The following CTNNA2 variants were observed in gnomAD, a reference collection of about 807,000 sequenced individuals.
CTNNA2 encodes catenin alpha 2.
A neutral mutation model predicts 101.0 loss-of-function variants in CTNNA2; 42 were observed. The observed-to-expected ratio is 0.42, with a 90% CI of 0.32 to 0.54. The LOEUF (loss-of-function observed/expected upper bound fraction) is 0.54, where lower values mean the gene tolerates loss of function less well. Among genes scored for constraint, CTNNA2 ranks in the 20% least tolerant of loss-of-function variants. The pLI is 0.14. For synonymous variants in CTNNA2, 450 were observed against 456.4 expected, an observed-to-expected ratio of 0.99 and a Z score of 0.18; for missense variants, 871 against 1,223.1, an observed-to-expected ratio of 0.71 and a Z score of 4.29.
chr2:79,413,480 T>C (rs1041898056), intron 4 of CTNNA2, among the ~76,000 whole-genome samples: 5 of 152,088 alleles, frequency 3.3e-5, no homozygotes, highest in African/African-American at 1.2e-4. Flanking sequence ...GACACTTAGG[T>C]TGATTTTGAA....
intron 15 of CTNNA2, among the ~76,000 whole-genome samples, chr2:80,597,305 TAACTC>T (rs1243280853): frequency 2.0e-5 from 3 of 152,080 alleles, no homozygotes; most frequent in Non-Finnish European, 4.4e-5. Flanking sequence ...ATACAAAAAT[TAACTC>T]AACGTGGACT....
At chr2:79,543,441 T>G (rs1351855382) in intron 1 of CTNNA2, among the ~76,000 whole-genome samples, 1 of 152,208 alleles carries the variant, frequency 6.6e-6, no homozygotes. Context: ...ATTCAAATAT[T>G]TCTTTAAAGA....
chr2:79,980,226 C>T (rs992075590), intron 7 of CTNNA2, among the ~76,000 whole-genome samples: 17 of 152,150 alleles, frequency 1.1e-4, no homozygotes, highest in Non-Finnish European at 2.5e-4. Context: ...ATTTGCACTA[C>T]ATTGGTCCTG....
chr2:79,411,155 A>G (rs1678405136), intron 4 of CTNNA2, among the ~76,000 whole-genome samples: 1 of 151,870 alleles, frequency 6.6e-6, no homozygotes, highest in Non-Finnish European at 1.5e-5. Context: ...TATCCCCTTT[A>G]TCATTTTTTA....
chr2:79,916,360 G>T (rs535696348), intron 7 of CTNNA2, among the ~76,000 whole-genome samples: 1 of 151,882 alleles, frequency 6.6e-6, no homozygotes, highest in South Asian at 2.1e-4. Flanking sequence ...TTTTCCTTGC[G>T]TTTTTCTTAC....
At chr2:80,163,110 T>C in intron 7 of CTNNA2, 1 of 1,579,116 alleles carries the variant, frequency 6.3e-7, no homozygotes, top group Non-Finnish European at 8.7e-7. Flanking sequence ...TGGTTTACCA[T>C]CCTTATCTTT....
intron 1 of CTNNA2, among the ~76,000 whole-genome samples, chr2:79,630,312 A>T (rs1339101167): frequency 6.6e-6 from 1 of 152,232 alleles, no homozygotes; most frequent in East Asian, 1.9e-4. Context: ...AATGGCACTG[A>T]CGTCTTTGTG....
intron 3 of CTNNA2, among the ~76,000 whole-genome samples, chr2:79,856,115 G>A (rs1451465730): frequency 6.6e-6 from 1 of 152,180 alleles, no homozygotes; most frequent in Non-Finnish European, 1.5e-5. Flanking sequence ...CTCCCATGCT[G>A]TTGTTATATA....
intron 15 of CTNNA2, among the ~76,000 whole-genome samples, chr2:80,602,658 ATATGT>A (rs1480260696): frequency 6.6e-6 from 1 of 152,112 alleles, no homozygotes; most frequent in Non-Finnish European, 1.5e-5. Context: ...GCTAATAAAA[ATATGT>A]TAGGGAATAG....
chr2:80,494,682 G>GTTAGCTCATATTAA (rs774216303), intron 9 of CTNNA2, among the ~76,000 whole-genome samples: 1 of 151,164 alleles, frequency 6.6e-6, no homozygotes, highest in African/African-American at 2.4e-5. Context: ...GCTAGACGAA[G>GTTAGCTCATATTAA]GGACAGTTTA....
rs753543582 is a variant in CTNNA2 at position 79,395,161 on chromosome 2, G to A, written c.-135+21148G>A. On this transcript the variant is annotated intron_variant, in intron 4 of 21. Transcript: ENST00000466387. The stretch of plus-strand genomic sequence containing the variant: ...ACGGAGTGGTAGCTAAGGTCACCAC[G>A]ATGCTATGTCCTAACTATTTTGTCT... 1.8e-4 allele frequency among the ~76,000 whole-genome samples: 28 copies of A among 152,206 alleles called. 1 individual carries two copies. The highest frequency in any genetic ancestry group is 3.9e-4 in the East Asian group (2 of 5,168).
At chr2:80,639,726 A>G (rs529761430) in intron 18 of CTNNA2, among the ~76,000 whole-genome samples, 37 of 152,320 alleles carry the variant, frequency 2.4e-4, no homozygotes, top group African/African-American at 8.4e-4. Flanking sequence ...AACTCATAAT[A>G]TGGTATTAGT....
At chr2:79,294,958 G>A (rs866348552) in intron 2 of CTNNA2, among the ~76,000 whole-genome samples, 1 of 151,862 alleles carries the variant, frequency 6.6e-6, no homozygotes, top group African/African-American at 2.4e-5. Context: ...TTGATGAACA[G>A]ATGCCTACAA....
chr2:79,726,193 T>G (rs1686827857), intron 2 of CTNNA2, among the ~76,000 whole-genome samples: 1 of 152,250 alleles, frequency 6.6e-6, no homozygotes, highest in Admixed American at 6.5e-5. Flanking sequence ...TGTTCACATC[T>G]ACACAGCTTT....
intron 7 of CTNNA2, among the ~76,000 whole-genome samples, chr2:80,129,941 A>T (rs1702324808): frequency 6.6e-6 from 1 of 152,170 alleles, no homozygotes; most frequent in African/African-American, 2.4e-5. Flanking sequence ...TGAGAGTCAG[A>T]ACTGAAATCT....
At chr2:79,554,011 G>C (rs1674284506) in intron 1 of CTNNA2, among the ~76,000 whole-genome samples, 1 of 152,124 alleles carries the variant, frequency 6.6e-6, no homozygotes, top group Non-Finnish European at 1.5e-5. Context: ...TGGGTCCCAA[G>C]GTTTTTGTTT....
intron 7 of CTNNA2, among the ~76,000 whole-genome samples, chr2:80,276,931 C>T (rs945105912): frequency 1.3e-5 from 2 of 152,096 alleles, no homozygotes; most frequent in Admixed American, 6.6e-5. Flanking sequence ...AGGTTGAAGA[C>T]AAAGTCCTTT....
intron 17 of CTNNA2, among the ~76,000 whole-genome samples, chr2:80,609,128 C>G (rs942040506): frequency 6.6e-6 from 1 of 151,666 alleles, no homozygotes; most frequent in Non-Finnish European, 1.5e-5. Context: ...CACCTTAGTT[C>G]TTTTCCCAGT....
chr2:80,499,932 C>CAA (rs35267780), intron 9 of CTNNA2, among the ~76,000 whole-genome samples: 8 of 80,340 alleles, frequency 1.0e-4, no homozygotes, highest in Non-Finnish European at 1.4e-4. Flanking sequence ...AAACGTTCTA[C>CAA]AAAAAAAAAA....
Sources: allele counts gnomAD v4.1 joint callset (sites outside exome capture counted in the v4.1 genomes callset), GRCh38; gene constraint gnomAD v4.1.1; transcripts MANE v1.5; gene names NCBI Gene and HGNC (gene_info 2026-07-23, HGNC 2026-07-21).